The following COL18A1 variants were observed in gnomAD, a reference collection of about 807,000 sequenced individuals.
The protein encoded by COL18A1 is collagen alpha-1(XVIII) chain.
In COL18A1, 133 loss-of-function variants were observed where a neutral mutation model predicts 168.0. The observed-to-expected ratio is 0.79, with a 90% CI of 0.69 to 0.91. The LOEUF (loss-of-function observed/expected upper bound fraction) is 0.91. COL18A1 is among the 40% of genes least tolerant of loss of function. The pLI is 0.00. For synonymous variants in COL18A1, 949 were observed against 809.0 expected, an observed-to-expected ratio of 1.17 and a Z score of -2.94; for missense variants, 2,126 against 1,925.4, an observed-to-expected ratio of 1.10 and a Z score of -1.95.
intron 32 of COL18A1, among the ~76,000 whole-genome samples, chr21:45,500,279 G>C (rs937960623): frequency 3.5e-5 from 4 of 112,876 alleles, no homozygotes; most frequent in Admixed American, 1.7e-4. Flanking sequence ...TGGGTGTGTA[G>C]TGGGGGTGTG....
chr21:45,490,294 G>T lies in COL18A1; in HGVS notation c.1979G>T (p.Gly660Val). 2 of 1,587,640 alleles carry T rather than the reference G, an allele frequency of 1.3e-6. No individual in the cohort carries two copies. The highest frequency in any genetic ancestry group is 2.3e-5 in the East Asian group (1 of 43,726). The stretch of plus-strand genomic sequence containing the variant: ...TTTCAGGGAGAAGTTGGAGCAGATG[G>T]AGTCCCCGGGTTCCCCGGCCTCCCT... Reference protein sequence around the residue: ...PGAKGEVGADGVPGFPGLPGR... With the variant: ...PGAKGEVGADVVPGFPGLPGR... Residue 660 changes from glycine to valine, a missense_variant, in exon 20 of 42, where the codon GGA (glycine) becomes GTA (valine). Coordinates refer to ENST00000651438, the MANE Select transcript of COL18A1 (RefSeq NM_001379500.1).
intron 15 of COL18A1, 110 bp from the exon 16 acceptor site, chr21:45,486,751 T>C: frequency 1.6e-6 from 2 of 1,256,638 alleles, no homozygotes; most frequent in Non-Finnish European, 2.2e-6. Context: ...GTTCCTTACC[T>C]TTTGATTTGC....
chr21:45,508,469 AGGTGGGTGAGTGGATG>A (rs902321296), intron 38 of COL18A1, among the ~76,000 whole-genome samples: 18 of 142,546 alleles, frequency 1.3e-4, no homozygotes, highest in Non-Finnish European at 2.3e-4. Context: ...GTGGATGGAC[AGGTGGGTGAGTGGATG>A]GGTGGGTGGA....
At chr21:45,484,962 A>G (rs1341217755) in intron 15 of COL18A1, among the ~76,000 whole-genome samples, 1 of 152,162 alleles carries the variant, frequency 6.6e-6, no homozygotes, top group Non-Finnish European at 1.5e-5. Flanking sequence ...TGTAAACCAA[A>G]TAGAAAATGA....
In COL18A1 at chr21:45,495,462, G is replaced by A. The variant is rs766212493; in HGVS notation, c.2508+30G>A. 9.5e-6 allele frequency: 15 copies of A among 1,573,818 alleles called. No homozygotes were observed. In the South Asian group the frequency reaches 1.7e-4, roughly 18 times the overall value. On this transcript the variant is annotated intron_variant, in intron 29 of 41. Coordinates refer to ENST00000651438, the MANE Select transcript of COL18A1 (RefSeq NM_001379500.1). ...GTGTCTCTCAAGGGGCGGACTGGGT[G>A]GCTGGGAGACCAGGACCTGGGAATG...
chr21:45,427,042 G>A (rs2033825673), intron 2 of COL18A1, among the ~76,000 whole-genome samples: 2 of 152,296 alleles, frequency 1.3e-5, no homozygotes, highest in African/African-American at 4.8e-5. Flanking sequence ...CCAGCTTCAC[G>A]CTCACACTTC....
In COL18A1 at chr21:45,482,387, T is replaced by A. The variant is rs1180119368; in HGVS notation, c.1674+362T>A. ...CGTTTGTGGGTGGACCTGGCGGGAG[T>A]CGCCTGCGTCTGGCCCCCTGGGGAG... On this transcript the variant is annotated intron_variant, in intron 14 of 41. Coordinates refer to ENST00000651438, the MANE Select transcript of COL18A1 (RefSeq NM_001379500.1). 4.7e-6 allele frequency: 3 copies of A among 636,722 alleles called. No individual in the cohort carries two copies. The Admixed American group carries it at 6.0e-5, about 13-fold the overall frequency. 39.4% of individuals were successfully genotyped at this position (636,722 alleles called of 1,614,324 possible).
In COL18A1 at chr21:45,463,359, G is replaced by A. The variant is rs1399476683; in HGVS notation, c.107-4883G>A. On this transcript the variant is annotated intron_variant, in intron 2 of 41. Coordinates refer to ENST00000651438, the MANE Select transcript of COL18A1 (RefSeq NM_001379500.1). This position sits in a 1 kb window ranked among gnomAD's most constrained non-coding sequence, Gnocchi z 4.0. ...CACCTGCTATGGGAATGGGGGTGGA[G>A]GATGGATGTGTGGCTGCTATTGTGC... is the stretch of plus-strand genomic sequence containing the variant. Among the ~76,000 whole-genome samples the A allele has an allele frequency of 6.6e-6, 1 of 152,226 alleles. No homozygotes were observed. The highest frequency in any genetic ancestry group is 1.5e-5 in the Non-Finnish European group (1 of 68,040).
intron 32 of COL18A1, among the ~76,000 whole-genome samples, chr21:45,501,513 C>T (rs2036823216): frequency 6.6e-6 from 1 of 152,162 alleles, no homozygotes; most frequent in Non-Finnish European, 1.5e-5. Flanking sequence ...TGGTCTTCCA[C>T]GTGGCTCAGG....
chr21:45,427,159 A>C (rs1268125923), intron 2 of COL18A1, among the ~76,000 whole-genome samples: 1 of 151,938 alleles, frequency 6.6e-6, no homozygotes, highest in Non-Finnish European at 1.5e-5. Flanking sequence ...CTCAGTGTTA[A>C]TGGCAGCCAC....
At chr21:45,503,869 A>C in intron 32 of COL18A1, 142 bp from the exon 33 acceptor site, 1 of 719,396 alleles carries the variant, frequency 1.4e-6, no homozygotes, top group Non-Finnish European at 2.5e-6. Context: ...GTTAACTAGG[A>C]AGAACCTAAT....
intron 9 of COL18A1, among the ~76,000 whole-genome samples, chr21:45,479,406 CG>C (rs1445622523): frequency 1.3e-5 from 2 of 151,434 alleles, no homozygotes; most frequent in Non-Finnish European, 2.9e-5. Flanking sequence ...GCTACACGCA[CG>C]TGCACACATC....
rs1318578204 is a variant in COL18A1, at chr21:45,471,529, C to G, written c.652-2366C>G. ...GACCCTGGCGCTGCCACAGATGGTG[C>G]CTGGGACCCCCGGCCGCAGCTGGGT... On this transcript the variant is annotated intron_variant, in intron 3 of 41. Coordinates refer to ENST00000651438, the MANE Select transcript of COL18A1 (RefSeq NM_001379500.1). This position sits in a 1 kb window ranked among gnomAD's most constrained non-coding sequence, Gnocchi z 4.4. Among the ~76,000 whole-genome samples, 1 of 152,180 alleles carries G rather than the reference C, an allele frequency of 6.6e-6. No homozygotes were observed. Among genetic ancestry groups the G allele is most frequent in the African/African-American group, 2.4e-5 (1 of 41,424 alleles).
At position 45,471,429 on chromosome 21, in the gene COL18A1, A is replaced by G. The variant is rs2035424961; in HGVS notation, c.652-2466A>G. ...TTGTGTGACTCATAATTTTTGGCAGAAACAAGCACAGAGCTTTGGGAGCAG... is the reference window on the plus strand; with the variant it reads ...TTGTGTGACTCATAATTTTTGGCAGGAACAAGCACAGAGCTTTGGGAGCAG... On this transcript the variant is annotated intron_variant, in intron 3 of 41. Transcript: ENST00000651438. This position sits in a 1 kb window ranked among gnomAD's most constrained non-coding sequence, Gnocchi z 4.4. Among the ~76,000 whole-genome samples the G allele has an allele frequency of 6.6e-6, 1 of 152,212 alleles. No homozygotes were observed. Among genetic ancestry groups the G allele is most frequent in the Non-Finnish European group, 1.5e-5 (1 of 68,022 alleles).
intron 2 of COL18A1, among the ~76,000 whole-genome samples, chr21:45,458,376 G>T (rs2034920484): frequency 6.6e-6 from 1 of 152,114 alleles, no homozygotes; most frequent in African/African-American, 2.4e-5. Context: ...GCCCACGGCT[G>T]TTGGCATCTC....
At chr21:45,413,740 A>C (rs2033365406) in intron 2 of COL18A1, among the ~76,000 whole-genome samples, 1 of 150,918 alleles carries the variant, frequency 6.6e-6, no homozygotes, top group Non-Finnish European at 1.5e-5. Context: ...GCACTGAGGG[A>C]AGCAAAGGCC....
intron 2 of COL18A1, among the ~76,000 whole-genome samples, chr21:45,453,361 GCATGAGCAGGAGTGAGCATA>G (rs1424393490): frequency 2.0e-5 from 3 of 152,222 alleles, no homozygotes; most frequent in African/African-American, 7.2e-5. Flanking sequence ...ATGTGTTCAT[GCATGAGCAGGAGTGAGCATA>G]CATATATGTG....
chr21:45,441,683 G>A (rs2034373779), intron 2 of COL18A1, among the ~76,000 whole-genome samples: 1 of 152,196 alleles, frequency 6.6e-6, no homozygotes, highest in African/African-American at 2.4e-5. Flanking sequence ...TCTGCCGCTG[G>A]CTCTTCACGC....
In COL18A1 at chr21:45,482,108, G is replaced by A. The variant is rs554191871; in HGVS notation, c.1674+83G>A. The A allele has an allele frequency of 1.2e-5, 13 of 1,085,614 alleles. No individual in the cohort carries two copies. In the East Asian group the frequency reaches 1.5e-4, roughly 12 times the overall value. 67.2% of individuals were successfully genotyped at this position (1,085,614 alleles called of 1,614,324 possible). A position where few individuals can be genotyped will look rare whatever the true frequency, so the allele number is the denominator to read the frequency against. The stretch of plus-strand genomic sequence containing the variant: ...GGTCCGGGGGTGCCTGGTGACGCCC[G>A]TGAAGGGGAAATGCCAGGAATAGCC... On this transcript the variant is annotated intron_variant, in intron 14 of 41. Coordinates refer to ENST00000651438, the MANE Select transcript of COL18A1 (RefSeq NM_001379500.1).
Sources: allele counts gnomAD v4.1 joint callset (sites outside exome capture counted in the v4.1 genomes callset), GRCh38; gene constraint gnomAD v4.1.1; non-coding constraint Gnocchi (gnomAD v3.1); transcripts MANE v1.5; gene names NCBI Gene and HGNC (gene_info 2026-07-23, HGNC 2026-07-21).